The following NKAIN2 variants were observed in gnomAD, a reference collection of about 807,000 sequenced individuals.
NKAIN2 encodes the protein sodium/potassium transporting ATPase interacting 2, also known as sodium/potassium-transporting ATPase subunit beta-1-interacting protein 2.
Under a neutral mutation model 32.6 loss-of-function variants are expected in NKAIN2, and 14 were observed. That is an observed-to-expected ratio of 0.43 (90% CI 0.28 to 0.67). NKAIN2 has a LOEUF of 0.67. Ranked by LOEUF, NKAIN2 falls within the 30% of genes least tolerant of loss-of-function variation. The pLI, the probability that NKAIN2 is intolerant of heterozygous loss-of-function variation, is 0.17. For missense variants in NKAIN2, 198 were observed against 258.3 expected, an observed-to-expected ratio of 0.77 and a Z score of 1.60; for synonymous variants, 80 against 87.2, an observed-to-expected ratio of 0.92 and a Z score of 0.46.
At chr6:124,263,505 T>C (rs2114850531) in intron 1 of NKAIN2, among the ~76,000 whole-genome samples, 1 of 152,312 alleles carries the variant, frequency 6.6e-6, no homozygotes, top group Admixed American at 6.5e-5. Context: ...ATATTTCTCC[T>C]GTCAACTGAA....
intron 1 of NKAIN2, among the ~76,000 whole-genome samples, chr6:123,935,902 T>A (rs235690): frequency 1.3e-5 from 2 of 151,826 alleles, no homozygotes; most frequent in African/African-American, 4.8e-5. Context: ...CATGGCTATT[T>A]TTTTGTTCAC....
chr6:124,658,460 C>T, intron 4 of NKAIN2, 74 bp downstream of exon 4: 1 of 1,606,758 alleles, frequency 6.2e-7, no homozygotes, highest in South Asian at 1.1e-5. Flanking sequence ...TCAGTGCACA[C>T]AAATGGAATC....
intron 3 of NKAIN2, among the ~76,000 whole-genome samples, chr6:124,424,658 G>A (rs1334248446): frequency 6.6e-6 from 1 of 152,028 alleles, no homozygotes; most frequent in Admixed American, 6.6e-5. Flanking sequence ...ACATTTAAGT[G>A]AGATCATGCA....
At chr6:123,952,642 A>G (rs1777382328) in intron 1 of NKAIN2, among the ~76,000 whole-genome samples, 1 of 152,110 alleles carries the variant, frequency 6.6e-6, no homozygotes, top group Non-Finnish European at 1.5e-5. Context: ...TCAAGTTCTG[A>G]AATTATTTCT....
At position 123,938,396 on chromosome 6, in the gene NKAIN2, TTATATATATATATATATATATATA is replaced by T. The variant is rs71021471; in HGVS notation, c.54+134175_54+134198del. ...TGAAACCAGAACTCATTTGCAAGGG[TTATATATATATATATATATATATA>T]TATATATATATATATATATATATAT... On this transcript the variant is annotated intron_variant, in intron 1 of 6. Transcript: ENST00000368417. Among the ~76,000 whole-genome samples the T allele has an allele frequency of 4.2e-3, 229 of 54,140 alleles. 4 individuals carry two copies. Among genetic ancestry groups the T allele is most frequent in the African/African-American group, 0.011 (189 of 16,802 alleles). The allele number at this position is 54,140 out of a possible 152,430, so 35.5% of individuals were successfully genotyped here.
chr6:124,732,220 T>C (rs1776716960), intron 4 of NKAIN2, among the ~76,000 whole-genome samples: 2 of 152,082 alleles, frequency 1.3e-5, no homozygotes, highest in South Asian at 4.1e-4. Flanking sequence ...TGAGTGGGAA[T>C]AGCCTTCTTC....
chr6:124,128,831 A>G (rs1222091735), intron 1 of NKAIN2, among the ~76,000 whole-genome samples: 1 of 152,186 alleles, frequency 6.6e-6, no homozygotes, highest in African/African-American at 2.4e-5. Context: ...TACCACTGCC[A>G]CTAAAAGAGT....
At chr6:124,823,158 T>C in intron 6 of NKAIN2, 62 bp from the exon 7 acceptor site, 1 of 1,145,204 alleles carries the variant, frequency 8.7e-7, no homozygotes, top group Non-Finnish European at 1.3e-6. Context: ...TGAGAAAAGG[T>C]GGTGAGCAGC....
chr6:124,317,772 CTAGGTTAT>C (rs1389645178), intron 2 of NKAIN2, among the ~76,000 whole-genome samples: 3 of 152,068 alleles, frequency 2.0e-5, no homozygotes, highest in Admixed American at 6.6e-5. Context: ...CATCAGACTA[CTAGGTTAT>C]TCACATCTTG....
intron 1 of NKAIN2, among the ~76,000 whole-genome samples, chr6:124,257,908 A>G (rs1189011004): frequency 6.6e-6 from 1 of 150,640 alleles, no homozygotes; most frequent in African/African-American, 2.4e-5. Context: ...CCTCCCAAGT[A>G]GCTGGGATTA....
intron 3 of NKAIN2, among the ~76,000 whole-genome samples, chr6:124,382,865 A>G (rs546445916): frequency 6.6e-6 from 1 of 152,180 alleles, no homozygotes; most frequent in Non-Finnish European, 1.5e-5. Flanking sequence ...GAGAAGGAGA[A>G]ACAAAATTAC....
At chr6:124,097,091 C>G (rs773489393) in intron 1 of NKAIN2, among the ~76,000 whole-genome samples, 6 of 152,008 alleles carry the variant, frequency 3.9e-5, no homozygotes, top group Non-Finnish European at 7.4e-5. Flanking sequence ...TCAAGGAAAA[C>G]ACAGGAATTT....
chr6:124,134,057 A>C (rs906668511), intron 1 of NKAIN2, among the ~76,000 whole-genome samples: 3 of 152,034 alleles, frequency 2.0e-5, no homozygotes, highest in African/African-American at 7.2e-5. Context: ...CAGATAAAGA[A>C]TTCAGAAGGC....
At chr6:124,063,010 CTACTAAAAT>C (rs1287646487) in intron 1 of NKAIN2, among the ~76,000 whole-genome samples, 1 of 151,936 alleles carries the variant, frequency 6.6e-6, no homozygotes, top group African/African-American at 2.4e-5. Context: ...CTGGCCATCT[CTACTAAAAT>C]TACTAAAATT....
intron 1 of NKAIN2, among the ~76,000 whole-genome samples, chr6:123,883,369 T>A (rs1310153462): frequency 6.6e-6 from 1 of 152,044 alleles, no homozygotes; most frequent in Admixed American, 6.5e-5. Flanking sequence ...ATGGTCTCGA[T>A]CTCCTGACCT....
intron 1 of NKAIN2, among the ~76,000 whole-genome samples, chr6:124,065,213 T>TAC (rs144681461): frequency 0.13 from 18,721 of 147,914 alleles, 1,228 homozygotes; most frequent in East Asian, 0.23. Context: ...ATCAGAAAAT[T>TAC]ACACACACAC....
chr6:124,402,227 G>C (rs912964784), intron 3 of NKAIN2, among the ~76,000 whole-genome samples: 3 of 152,092 alleles, frequency 2.0e-5, no homozygotes, highest in Non-Finnish European at 4.4e-5. Flanking sequence ...GGACCTAAAA[G>C]ATTTATTGAC....
chr6:124,524,811 T>C (rs537917828), intron 3 of NKAIN2, among the ~76,000 whole-genome samples: 1 of 152,206 alleles, frequency 6.6e-6, no homozygotes, highest in Non-Finnish European at 1.5e-5. Flanking sequence ...TATGCTTTTT[T>C]CACATAAAAC....
At chr6:124,368,201 G>A (rs996006110) in intron 3 of NKAIN2, among the ~76,000 whole-genome samples, 1 of 151,978 alleles carries the variant, frequency 6.6e-6, no homozygotes, top group African/African-American at 2.4e-5. Flanking sequence ...AATTTTCAGG[G>A]TATTCTTTGG....
Sources: gnomAD v4.1 joint callset for allele counts (sites outside exome capture counted in the v4.1 genomes callset) on GRCh38, gnomAD v4.1.1 for gene constraint, MANE v1.5 for transcripts, NCBI Gene and HGNC (gene_info 2026-07-23, HGNC 2026-07-21) for gene names.